LRP2: variants seen among roughly 807,000 people sequenced by gnomAD.
LRP2 encodes LDL receptor related protein 2.
In LRP2, 172 loss-of-function variants were observed where a neutral mutation model predicts 531.0. That is an observed-to-expected ratio of 0.32 (90% CI 0.29 to 0.37). LRP2 has a LOEUF of 0.37. Among genes scored for constraint, LRP2 ranks in the 10% least tolerant of loss-of-function variants. The pLI is 1.00. For missense variants in LRP2, 5,167 were observed against 5,868.3 expected (o/e 0.88, Z 3.90); for synonymous variants, 1,992 against 2,027.6 (o/e 0.98, Z 0.47).
chr2:169,276,212 T>G (rs896343675), intron 13 of LRP2, among the ~76,000 whole-genome samples: 2 of 152,124 alleles, frequency 1.3e-5, no homozygotes, highest in African/African-American at 4.8e-5. Context: ...GAGAATAGTT[T>G]CTCTCTCAGT....
At chr2:169,264,183 A>G (rs1690695765) in intron 16 of LRP2, among the ~76,000 whole-genome samples, 1 of 152,174 alleles carries the variant, frequency 6.6e-6, no homozygotes, top group Admixed American at 6.5e-5. Flanking sequence ...AGCATGGCAC[A>G]TGTATACATA....
chr2:169,307,071 A>T lies in LRP2; in HGVS notation c.427+210T>A, dbSNP rs563966145. Among the ~76,000 whole-genome samples the T allele has an allele frequency of 2.0e-5, 3 of 152,344 alleles. No individual in the cohort carries two copies. In the East Asian group the frequency reaches 5.8e-4, roughly 29 times the overall value. The stretch of plus-strand genomic sequence containing the variant: ...TATAAAAAATACAGAAACTTGATGC[A>T]CTAAGGCAGGACACTCTTAGAATGT... On this transcript the variant is annotated intron_variant, in intron 4 of 78. Coordinates refer to ENST00000649046, the MANE Select transcript of LRP2 (RefSeq NM_004525.3).
At chr2:169,176,681 A>G in intron 53 of LRP2, 93 bp from the exon 54 acceptor site, 1 of 1,085,492 alleles carries the variant, frequency 9.2e-7, no homozygotes, top group African/African-American at 1.5e-5. Flanking sequence ...TAAACTCATC[A>G]CCTCTTAGTA....
intron 11 of LRP2, among the ~76,000 whole-genome samples, chr2:169,280,109 C>T (rs1250477398): frequency 6.6e-6 from 1 of 152,156 alleles, no homozygotes; most frequent in African/African-American, 2.4e-5. Context: ...TAATTAGGCT[C>T]CTGGACTCCA....
intron 37 of LRP2, among the ~76,000 whole-genome samples, chr2:169,210,593 A>T (rs941339265): frequency 9.2e-5 from 14 of 152,204 alleles, no homozygotes; most frequent in African/African-American, 3.4e-4. Flanking sequence ...ATTCTCAAAG[A>T]CAACAGGTCT....
rs919174291 is a variant in LRP2 at position 169,306,590 on chromosome 2, A to G, written c.427+691T>C. 2.0e-5 allele frequency among the ~76,000 whole-genome samples: 3 copies of G among 152,192 alleles called. No individual in the cohort carries two copies. The South Asian group carries it at 6.2e-4, about 32-fold the overall frequency. On this transcript the variant is annotated intron_variant, in intron 4 of 78. Transcript: ENST00000649046. ...GAAACTGTGGTATGCCTGAGATTAA[A>G]GACAATTATATGGACTATAGGACTG...
intron 22 of LRP2, among the ~76,000 whole-genome samples, chr2:169,244,301 C>A (rs1689921333): frequency 6.6e-6 from 1 of 152,192 alleles, no homozygotes; most frequent in African/African-American, 2.4e-5. Flanking sequence ...ATTTTGATGT[C>A]TTTTTGCTTG....
rs1683743321 is a variant in LRP2, at chr2:169,282,856, G to A, written c.1171+17C>T. The A allele has an allele frequency of 6.2e-7, 1 of 1,612,160 alleles. No homozygotes were observed. The highest frequency in any genetic ancestry group is 1.1e-5 in the South Asian group (1 of 91,058). ...CTGTTCACTGTTCAGAGACACAGGT[G>A]TCCATAATTTACTCACAGGAATCAT... On this transcript the variant is annotated intron_variant, in intron 10 of 78. Transcript: ENST00000649046.
At chr2:169,315,139 T>A (rs184191250) in intron 3 of LRP2, among the ~76,000 whole-genome samples, 33 of 152,326 alleles carry the variant, frequency 2.2e-4, no homozygotes, top group African/African-American at 7.7e-4. Context: ...TCCATCAACC[T>A]ATCTAATGCT....
intron 33 of LRP2, among the ~76,000 whole-genome samples, chr2:169,220,787 C>G (rs1313488141): frequency 6.6e-6 from 1 of 152,110 alleles, no homozygotes; most frequent in African/African-American, 2.4e-5. Flanking sequence ...TCCCAAGTTC[C>G]TACTTCCAAC....
intron 35 of LRP2, among the ~76,000 whole-genome samples, chr2:169,215,611 C>T: frequency 6.6e-6 from 1 of 151,182 alleles, no homozygotes. Flanking sequence ...CATACATACA[C>T]ACACACATAG....
intron 61 of LRP2, among the ~76,000 whole-genome samples, chr2:169,166,808 G>A (rs11884342): frequency 0.5 from 75,530 of 151,948 alleles, 19,395 homozygotes; most frequent in Admixed American, 0.61. Context: ...TTCACTATGC[G>A]TGTACCACAA....
chr2:169,268,641 A>C (rs1683304719), intron 16 of LRP2, among the ~76,000 whole-genome samples: 1 of 152,222 alleles, frequency 6.6e-6, no homozygotes, highest in South Asian at 2.1e-4. Flanking sequence ...CCCACAGCCA[A>C]TATCATACTG....
At chr2:169,198,142 G>A (rs542476844) in intron 45 of LRP2, among the ~76,000 whole-genome samples, 4 of 152,246 alleles carry the variant, frequency 2.6e-5, no homozygotes, top group South Asian at 2.1e-4. Flanking sequence ...GGTCAGGCAC[G>A]GTGGCTCATA....
In LRP2 at chr2:169,205,976, T is replaced by C. The variant is rs1688370033; in HGVS notation, c.7556+47A>G. ...GAACATAATTTCAGGCCCCATTTTTTCCAGAAATAAGCAGACAGAAATATA... is the reference window on the plus strand; with the variant it reads ...GAACATAATTTCAGGCCCCATTTTTCCCAGAAATAAGCAGACAGAAATATA... On this transcript the variant is annotated intron_variant, in intron 40 of 78. Coordinates refer to ENST00000649046, the MANE Select transcript of LRP2 (RefSeq NM_004525.3). 6 of 1,611,538 alleles carry C rather than the reference T, an allele frequency of 3.7e-6. No individual in the cohort carries two copies. In the East Asian group the frequency reaches 1.3e-4, roughly 36 times the overall value.
intron 48 of LRP2, among the ~76,000 whole-genome samples, chr2:169,191,193 A>C (rs1687818052): frequency 6.6e-6 from 1 of 152,234 alleles, no homozygotes; most frequent in African/African-American, 2.4e-5. Flanking sequence ...TCTGCATGAT[A>C]TTGATCAATG....
In LRP2 at chr2:169,168,474, C is replaced by T. The variant is rs547418201; in HGVS notation, c.11635+65G>A. 1.7e-4 allele frequency: 257 copies of T among 1,505,432 alleles called. No individual in the cohort carries two copies. In the African/African-American group the frequency reaches 2.6e-3, roughly 15 times the overall value. 93.3% of individuals were successfully genotyped at this position (1,505,432 alleles called of 1,614,324 possible). On this transcript the variant is annotated intron_variant, in intron 61 of 78. Transcript: ENST00000649046. ...CTGCTCTCCAGGCTCACATGCTACACGTAAGAAACAATGAGATTTGACAGA... is the reference window on the plus strand; with the variant it reads ...CTGCTCTCCAGGCTCACATGCTACATGTAAGAAACAATGAGATTTGACAGA...
At chr2:169,141,532 C>T (rs907025402) in intron 71 of LRP2, among the ~76,000 whole-genome samples, 1 of 152,166 alleles carries the variant, frequency 6.6e-6, no homozygotes, top group Non-Finnish European at 1.5e-5. Context: ...AATTATTATA[C>T]CAAACCGAGG....
chr2:169,341,596 A>G (rs146041621), intron 1 of LRP2, among the ~76,000 whole-genome samples: 2,158 of 152,340 alleles, frequency 0.014, 50 homozygotes, highest in African/African-American at 0.049. Context: ...CTGATATTTA[A>G]CAAACTGTAA....
Sources: allele counts gnomAD v4.1 joint callset (sites outside exome capture counted in the v4.1 genomes callset), GRCh38; gene constraint gnomAD v4.1.1; transcripts MANE v1.5; gene names NCBI Gene and HGNC (gene_info 2026-07-23, HGNC 2026-07-21).